The following ANKMY1 variants were observed in gnomAD, a reference collection of about 807,000 sequenced individuals.
The protein encoded by ANKMY1 is ankyrin repeat and MYND domain containing 1.
ANKMY1 carries 98 observed loss-of-function variants against 102.0 expected under a neutral mutation model. The ratio of observed to expected loss-of-function variants is 0.96; its 90% CI spans 0.82 to 1.14. The LOEUF is 1.14. Among genes scored for constraint, ANKMY1 ranks in the 50% most tolerant of loss-of-function variants. The pLI, the probability that ANKMY1 is intolerant of heterozygous loss-of-function variation, is 0.00. For synonymous variants in ANKMY1, 582 were observed against 559.9 expected (o/e 1.04, Z -0.56); for missense variants, 1,330 against 1,347.6 (o/e 0.99, Z 0.20).
At chr2:240,557,824 C>A in intron 1 of ANKMY1, 57 bp downstream of exon 1, 4 of 967,064 alleles carry the variant, frequency 4.1e-6, no homozygotes, top group Non-Finnish European at 4.9e-6. Flanking sequence ...CGCCGCCCCA[C>A]GGAGCTCCGG....
upstream of ANKMY1, chr2:240,560,458 T>A (rs2092871514): frequency 5.2e-6 from 3 of 572,722 alleles, no homozygotes; most frequent in Non-Finnish European, 7.8e-6. Flanking sequence ...GGCGCCCTGG[T>A]GAGGCCCAAA....
At chr2:240,536,285 T>A (rs2086716111) in intron 4 of ANKMY1, among the ~76,000 whole-genome samples, 1 of 152,194 alleles carries the variant, frequency 6.6e-6, no homozygotes, top group African/African-American at 2.4e-5. Flanking sequence ...AAAATTCTTT[T>A]TTTTTCTTTT....
chr2:240,486,120 G>A (rs2076035278), intron 15 of ANKMY1, among the ~76,000 whole-genome samples: 2 of 152,046 alleles, frequency 1.3e-5, no homozygotes, highest in Admixed American at 6.6e-5. Flanking sequence ...TATATTTATA[G>A]CTTTGGTTAT....
In ANKMY1 at chr2:240,479,529, A is replaced by AT; in HGVS notation, c.*79dup. On this transcript the variant is annotated 3_prime_UTR_variant, in exon 18 of 18. Coordinates refer to ENST00000401804, the MANE Select transcript of ANKMY1 (RefSeq NM_001282771.3). ...AGAAATGCCTGCATTAGGCTGGAAGATTCCCTGAGGTGGCTCAGGCAGGTA... is the reference window on the plus strand; with the variant it reads ...AGAAATGCCTGCATTAGGCTGGAAGATTTCCCTGAGGTGGCTCAGGCAGGTA... The AT allele has an allele frequency of 1.3e-6, 2 of 1,504,318 alleles. No individual in the cohort carries two copies. Among genetic ancestry groups the AT allele is most frequent in the Non-Finnish European group, 1.8e-6 (2 of 1,083,826 alleles). 93.2% of individuals were successfully genotyped at this position (1,504,318 alleles called of 1,614,324 possible).
chr2:240,524,210 AGTGGCCGCCCTC>A lies in ANKMY1; in HGVS notation c.1495_1506del (p.Glu499_His502del). The A allele has an allele frequency of 6.2e-7, 1 of 1,613,890 alleles. No homozygotes were observed. The highest frequency in any genetic ancestry group is 8.5e-7 in the Non-Finnish European group (1 of 1,180,020). Reference sequence around the variant, plus strand: ...CCCCCACACTGCCCGGTGTCCTGGAAGTGGCCGCCCTCGTGGCTGCCTGAGACGCGTGGCAGG... The same window carrying A: ...CCCCCACACTGCCCGGTGTCCTGGAAGTGGCTGCCTGAGACGCGTGGCAGG... On this transcript the variant is annotated inframe_deletion, in exon 8 of 18. Coordinates refer to ENST00000401804, the MANE Select transcript of ANKMY1 (RefSeq NM_001282771.3).
chr2:240,519,507 TG>T (rs1559305714), intron 9 of ANKMY1, among the ~76,000 whole-genome samples: 1 of 152,152 alleles, frequency 6.6e-6, no homozygotes, highest in East Asian at 1.9e-4. Flanking sequence ...GAGAGAAGCC[TG>T]GCCTCACCCC....
Position 240,520,194 on chromosome 2 carries a change from C to T in ANKMY1, c.2004+168G>A. 2.0e-6 allele frequency: 2 copies of T among 976,164 alleles called. No homozygotes were observed. The highest frequency in any genetic ancestry group is 3.2e-6 in the Non-Finnish European group (2 of 623,596). The allele number at this position is 976,164 out of a possible 1,614,324, so 60.5% of individuals were successfully genotyped here. On this transcript the variant is annotated intron_variant, in intron 9 of 17. Transcript: ENST00000401804. This position sits in a 1 kb window ranked among gnomAD's most constrained non-coding sequence, Gnocchi z 4.8. ...CTGTCTGGGGACATGGGTGAAAGAG[C>T]GGGCTGTGGGACCCCCCACTGCGGC...
At chr2:240,473,145 A>C in the ANKMY1 span, among the ~76,000 whole-genome samples, 1 of 150,964 alleles carries the variant, frequency 6.6e-6, no homozygotes, top group African/African-American at 2.4e-5. Flanking sequence ...AAAAACAAAA[A>C]AAACCACCAA....
At chr2:240,527,986 CTT>C (rs2084265532) in intron 5 of ANKMY1, 1 of 152,172 alleles carries the variant, frequency 6.6e-6, no homozygotes, top group Non-Finnish European at 1.5e-5. Flanking sequence ...AATATTTTAA[CTT>C]TTAAAAATTA....
intron 8 of ANKMY1, chr2:240,522,348 G>A (rs757308056): frequency 1.3e-5 from 2 of 152,216 alleles, no homozygotes; most frequent in African/African-American, 2.4e-5. Flanking sequence ...AAGTAACACT[G>A]TCACAAAAAG....
At position 240,485,463 on chromosome 2, in the gene ANKMY1, C is replaced by A. The variant is rs368857225; in HGVS notation, c.2807-3202G>T. The stretch of plus-strand genomic sequence containing the variant: ...CATTGTGGAAGACAGTATGGTGATT[C>A]CTCAAGGATCTAGAACAAGTGGATT... On this transcript the variant is annotated intron_variant, in intron 15 of 17. Coordinates refer to ENST00000401804, the MANE Select transcript of ANKMY1 (RefSeq NM_001282771.3). 5.9e-5 allele frequency among the ~76,000 whole-genome samples: 9 copies of A among 152,282 alleles called. No homozygotes were observed. In the East Asian group the frequency reaches 1.5e-3, roughly 26 times the overall value.
chr2:240,500,440 C>T lies in ANKMY1; in HGVS notation c.2640+12G>A. 6.2e-7 allele frequency: 1 copy of T among 1,611,512 alleles called. No individual in the cohort carries two copies. Among genetic ancestry groups the T allele is most frequent in the Non-Finnish European group, 8.5e-7 (1 of 1,178,186 alleles). On this transcript the variant is annotated intron_variant, in intron 14 of 17. Transcript: ENST00000401804. ...ACTCCCCCTCCTTCCTCATGGGAGG[C>T]TCACCACCTACCTGGAAGAATCTGA... is the stretch of plus-strand genomic sequence containing the variant.
upstream of ANKMY1, chr2:240,560,577 G>A: frequency 1.5e-5 from 20 of 1,310,058 alleles, no homozygotes; most frequent in Non-Finnish European, 1.9e-5. Context: ...TCTAGGACCC[G>A]GGGGCGCCCG....
chr2:240,492,093 C>G (rs1327132861), intron 15 of ANKMY1, among the ~76,000 whole-genome samples: 1 of 152,110 alleles, frequency 6.6e-6, no homozygotes, highest in Non-Finnish European at 1.5e-5. Flanking sequence ...TCACAGTAAC[C>G]TAAAACTCCT....
At chr2:240,528,997 G>A (rs770614852) in intron 5 of ANKMY1, 40 bp downstream of exon 5, 3 of 1,595,268 alleles carry the variant, frequency 1.9e-6, no homozygotes, top group Non-Finnish European at 2.6e-6. Flanking sequence ...AGCCTGCACA[G>A]TGCACGGCCC....
At chr2:240,511,728 C>A (rs552114389) in intron 11 of ANKMY1, 133 bp downstream of exon 11, 3 of 1,204,422 alleles carry the variant, frequency 2.5e-6, no homozygotes, top group Non-Finnish European at 3.3e-6. Flanking sequence ...GCTTCCCTCC[C>A]CATCCTTCCA....
intron 12 of ANKMY1, among the ~76,000 whole-genome samples, chr2:240,508,608 C>T (rs2079517348): frequency 6.6e-6 from 1 of 152,226 alleles, no homozygotes; most frequent in Admixed American, 6.5e-5. Flanking sequence ...TTTCCTGAAA[C>T]TGTGTTACAT....
At chr2:240,511,655 GC>G (rs1337816717) in intron 11 of ANKMY1, among the ~76,000 whole-genome samples, 1 of 152,240 alleles carries the variant, frequency 6.6e-6, no homozygotes, top group Non-Finnish European at 1.5e-5. Flanking sequence ...CGCCACCCAG[GC>G]CCCGTGCGCA....
chr2:240,510,090 C>G (rs1401228316), intron 11 of ANKMY1, among the ~76,000 whole-genome samples: 2 of 141,484 alleles, frequency 1.4e-5, no homozygotes, highest in African/African-American at 5.3e-5. Flanking sequence ...CCCTGCCCCC[C>G]TGCTTCCCTG....
Sources: allele counts gnomAD v4.1 joint callset (sites outside exome capture counted in the v4.1 genomes callset), GRCh38; gene constraint gnomAD v4.1.1; non-coding constraint Gnocchi (gnomAD v3.1); transcripts MANE v1.5; gene names NCBI Gene and HGNC (gene_info 2026-07-23, HGNC 2026-07-21).